FHIT: variants seen among roughly 807,000 people sequenced by gnomAD.
The protein encoded by FHIT is fragile histidine triad diadenosine triphosphatase.
Under a neutral mutation model 17.9 loss-of-function variants are expected in FHIT, and 19 were observed. The ratio of observed to expected loss-of-function variants is 1.06; its 90% CI spans 0.74 to 1.56. The LOEUF is 1.56. FHIT is among the 40% of genes most tolerant of loss of function. The pLI is 0.00. For synonymous variants in FHIT, 81 were observed against 69.7 expected (o/e 1.16, Z -0.81); for missense variants, 248 against 189.2 (o/e 1.31, Z -1.82).
chr3:60,361,833 G>A (rs778401565), intron 5 of FHIT, among the ~76,000 whole-genome samples: 24 of 152,146 alleles, frequency 1.6e-4, no homozygotes, highest in Non-Finnish European at 1.6e-4. Context: ...AAATCTTTTT[G>A]AGGGAAGTGA....
At chr3:59,750,627 C>T (rs939821039) in intron 9 of FHIT, 22 of 223,318 alleles carry the variant, frequency 9.9e-5, no homozygotes, top group African/African-American at 4.2e-4. Context: ...AAACTTATGA[C>T]ATGGGAGAAT....
chr3:60,722,883 C>T (rs1383948596), intron 4 of FHIT, among the ~76,000 whole-genome samples: 2 of 151,988 alleles, frequency 1.3e-5, no homozygotes, highest in Non-Finnish European at 2.9e-5. Flanking sequence ...CCGCCACATC[C>T]AGCGAATTTT....
In FHIT at chr3:59,755,904, G is replaced by C. The variant is rs546603289; in HGVS notation, c.349-3583C>G. Among the ~76,000 whole-genome samples, 10 of 151,936 alleles carry C rather than the reference G, an allele frequency of 6.6e-5. No individual in the cohort carries two copies. The East Asian group carries it at 1.9e-3, about 30-fold the overall frequency. Reference sequence around the variant, plus strand: ...CAAAAATGGCTCTCCAAGAAGGCGAGAGTTAGTTAGGTCTGAGCTTGAACA... The same window carrying C: ...CAAAAATGGCTCTCCAAGAAGGCGACAGTTAGTTAGGTCTGAGCTTGAACA... On this transcript the variant is annotated intron_variant, in intron 8 of 9. Transcript: ENST00000492590.
rs138184159 is a variant in FHIT, at chr3:61,088,611, G to A, written c.-163-46512C>T. 4.7e-3 allele frequency among the ~76,000 whole-genome samples: 710 copies of A among 152,238 alleles called. 6 individuals carry two copies. The highest frequency in any genetic ancestry group is 0.016 in the African/African-American group (681 of 41,550). On this transcript the variant is annotated intron_variant, in intron 2 of 9. Transcript: ENST00000492590. The stretch of plus-strand genomic sequence containing the variant: ...TATTGGAAACTGTGCTCCAACAGGA[G>A]CCAATGAAGGAACCTTATGAGGGAG...
At chr3:60,674,377 GT>G (rs1191702139) in intron 4 of FHIT, among the ~76,000 whole-genome samples, 1 of 151,976 alleles carries the variant, frequency 6.6e-6, no homozygotes, top group Non-Finnish European at 1.5e-5. Context: ...TAATTCTAAT[GT>G]CTGAGTTATT....
At chr3:61,033,149 C>T (rs916143857) in intron 3 of FHIT, among the ~76,000 whole-genome samples, 13 of 152,212 alleles carry the variant, frequency 8.5e-5, no homozygotes, top group African/African-American at 2.7e-4. Context: ...GAAACACCCT[C>T]GCAGACACAC....
intron 3 of FHIT, among the ~76,000 whole-genome samples, chr3:61,004,153 G>A (rs1470775317): frequency 1.3e-5 from 2 of 152,130 alleles, no homozygotes; most frequent in Non-Finnish European, 2.9e-5. Flanking sequence ...GAAAGAAGGT[G>A]AGCACAGATT....
At chr3:60,198,721 T>C (rs1257341340) in intron 5 of FHIT, among the ~76,000 whole-genome samples, 2 of 152,134 alleles carry the variant, frequency 1.3e-5, no homozygotes, top group African/African-American at 4.8e-5. Context: ...CTGGTACCAT[T>C]TTCTACCTAG....
At chr3:60,519,697 C>T (rs1576801879) in intron 5 of FHIT, among the ~76,000 whole-genome samples, 2 of 152,240 alleles carry the variant, frequency 1.3e-5, no homozygotes, top group South Asian at 2.1e-4. Context: ...AATCATCTGT[C>T]TAAAACTGTA....
chr3:60,507,740 A>G (rs2034791984), intron 5 of FHIT, among the ~76,000 whole-genome samples: 2 of 152,012 alleles, frequency 1.3e-5, no homozygotes, highest in African/African-American at 4.8e-5. Flanking sequence ...TGTTCTCATC[A>G]TTTAACTCCC....
At chr3:60,188,195 G>A (rs1448312943) in intron 5 of FHIT, among the ~76,000 whole-genome samples, 1 of 137,848 alleles carries the variant, frequency 7.3e-6, no homozygotes, top group Non-Finnish European at 1.5e-5. Flanking sequence ...CAGGGATCTT[G>A]ACAGTTTCTT....
At chr3:59,752,109 C>T in intron 9 of FHIT, 112 bp downstream of exon 9, 1 of 697,166 alleles carries the variant, frequency 1.4e-6, no homozygotes, top group Non-Finnish European at 2.4e-6. Context: ...CCTTTGCAGC[C>T]ACCACCCAAG....
rs146407570 is a variant in FHIT at position 60,881,474 on chromosome 3, A to G, written c.-110-59463T>C. Among the ~76,000 whole-genome samples, 944 of 152,310 alleles carry G rather than the reference A, an allele frequency of 6.2e-3. 6 individuals carry two copies. The highest frequency in any genetic ancestry group is 0.01 in the Non-Finnish European group (699 of 68,012). On this transcript the variant is annotated intron_variant, in intron 3 of 9. Coordinates refer to ENST00000492590, the MANE Select transcript of FHIT (RefSeq NM_002012.4). ...ACAGAACATTTCAACTGACAGTGGC[A>G]GAATACATATTATTTTCATCAGCAC...
At chr3:60,592,977 A>T (rs1383967696) in intron 4 of FHIT, among the ~76,000 whole-genome samples, 3 of 152,116 alleles carry the variant, frequency 2.0e-5, no homozygotes, top group African/African-American at 7.2e-5. Flanking sequence ...GGCTTGAAAG[A>T]AGTCAACAGC....
intron 8 of FHIT, among the ~76,000 whole-genome samples, chr3:59,802,836 G>T (rs1410332969): frequency 6.6e-6 from 1 of 152,150 alleles, no homozygotes. Context: ...GAGAATGGTG[G>T]TCTGAATTAC....
At chr3:60,954,986 A>C (rs1165863474) in intron 3 of FHIT, among the ~76,000 whole-genome samples, 7 of 152,200 alleles carry the variant, frequency 4.6e-5, no homozygotes, top group Non-Finnish European at 1.0e-4. Flanking sequence ...TACTGATCAA[A>C]TTAATTCTAT....
At chr3:60,029,175 T>C (rs1388458686) in intron 5 of FHIT, among the ~76,000 whole-genome samples, 1 of 152,218 alleles carries the variant, frequency 6.6e-6, no homozygotes, top group Non-Finnish European at 1.5e-5. Context: ...TGATAACTTA[T>C]AGAGGGTTTT....
At chr3:60,778,798 G>A (rs1368581098) in intron 4 of FHIT, among the ~76,000 whole-genome samples, 1 of 152,172 alleles carries the variant, frequency 6.6e-6, no homozygotes, top group Non-Finnish European at 1.5e-5. Flanking sequence ...TGACTGGAAT[G>A]GTATGCTTCC....
chr3:61,185,133 C>T (rs1379619438), intron 2 of FHIT, among the ~76,000 whole-genome samples: 1 of 152,158 alleles, frequency 6.6e-6, no homozygotes, highest in African/African-American at 2.4e-5. Context: ...TTCTGTGTAG[C>T]ATATGTTCAT....
Sources: allele counts gnomAD v4.1 joint callset (sites outside exome capture counted in the v4.1 genomes callset), GRCh38; gene constraint gnomAD v4.1.1; transcripts MANE v1.5; gene names NCBI Gene and HGNC (gene_info 2026-07-23, HGNC 2026-07-21).